Variants in PTPN4 observed in about 807,000 individuals in gnomAD.
The protein encoded by PTPN4 is tyrosine-protein phosphatase non-receptor type 4.
In PTPN4, 49 loss-of-function variants were observed where a neutral mutation model predicts 135.5. The ratio of observed to expected loss-of-function variants is 0.36; its 90% CI spans 0.29 to 0.46. The LOEUF (loss-of-function observed/expected upper bound fraction) is 0.46. Ranked by LOEUF, PTPN4 falls within the 20% of genes least tolerant of loss-of-function variation. The probability of loss-of-function intolerance (pLI) is 1.00; values close to 1 mark genes in which losing one functional copy is unlikely to be tolerated. For missense variants in PTPN4, 860 were observed against 1,101.0 expected (o/e 0.78, Z 3.10); for synonymous variants, 333 against 369.9 (o/e 0.90, Z 1.14).
intron 9 of PTPN4, among the ~76,000 whole-genome samples, chr2:119,889,957 G>A (rs1678217191): frequency 6.6e-6 from 1 of 152,176 alleles, no homozygotes; most frequent in African/African-American, 2.4e-5. Context: ...CTTGGAAGAT[G>A]TTCCATGTGC....
In PTPN4 at chr2:119,980,974, G is replaced by A. The variant is rs1160549699; in HGVS notation, c.*3904G>A. ...AAGATAAGTAAATAAAGCATTACTT[G>A]TTTTATAATATCAGGAAGAGAGAAG... On this transcript the variant is annotated 3_prime_UTR_variant, in exon 27 of 27. Transcript: ENST00000263708. 1 of 152,014 alleles carries A rather than the reference G, an allele frequency of 6.6e-6. No homozygotes were observed. Among genetic ancestry groups the A allele is most frequent in the African/African-American group, 2.4e-5 (1 of 41,436 alleles). 9.4% of individuals were successfully genotyped at this position (152,014 alleles called of 1,614,324 possible). A position where few individuals can be genotyped will look rare whatever the true frequency, so the allele number is the denominator to read the frequency against.
At chr2:119,826,524 T>C (rs993158785) in intron 2 of PTPN4, among the ~76,000 whole-genome samples, 2 of 152,204 alleles carry the variant, frequency 1.3e-5, no homozygotes, top group South Asian at 4.1e-4. Context: ...AGACATTTTT[T>C]GTTGTCACAG....
chr2:119,780,378 A>G (rs915572656), intron 1 of PTPN4, among the ~76,000 whole-genome samples: 1 of 152,190 alleles, frequency 6.6e-6, no homozygotes, highest in African/African-American at 2.4e-5. Flanking sequence ...CTCAGTCTGT[A>G]TTCCAGATTT....
chr2:119,923,859 T>C (rs948299402), intron 12 of PTPN4, among the ~76,000 whole-genome samples: 5 of 151,978 alleles, frequency 3.3e-5, no homozygotes, highest in Non-Finnish European at 5.9e-5. Context: ...AAAATGAGGC[T>C]GGGCACGGTG....
chr2:119,964,018 A>G (rs1679409814), intron 24 of PTPN4, among the ~76,000 whole-genome samples: 1 of 152,198 alleles, frequency 6.6e-6, no homozygotes, highest in Non-Finnish European at 1.5e-5. Context: ...TCGCTCCCAT[A>G]AATACATACA....
In PTPN4 at chr2:119,961,025, A is replaced by C. The variant is rs1679357270; in HGVS notation, c.2280+72A>C. 2.4e-5 allele frequency: 34 copies of C among 1,414,026 alleles called. 2 individuals carry two copies. In the South Asian group the frequency reaches 4.9e-4, roughly 20 times the overall value. 87.6% of individuals were successfully genotyped at this position (1,414,026 alleles called of 1,614,324 possible). A position where few individuals can be genotyped will look rare whatever the true frequency, so the allele number is the denominator to read the frequency against. ...TATACTGCACATATGTAGTCAAAAT[A>C]TTCATATTTATTTAAGCCTTTGTAA... On this transcript the variant is annotated intron_variant, in intron 23 of 26. Coordinates refer to ENST00000263708, the MANE Select transcript of PTPN4 (RefSeq NM_002830.4).
intron 8 of PTPN4, among the ~76,000 whole-genome samples, chr2:119,884,272 G>A (rs1438063693): frequency 6.6e-6 from 1 of 152,210 alleles, no homozygotes; most frequent in East Asian, 1.9e-4. Context: ...AAAATCAAAA[G>A]AAGAATAGCA....
intron 10 of PTPN4, among the ~76,000 whole-genome samples, chr2:119,907,677 G>A (rs1038150595): frequency 6.6e-6 from 1 of 151,996 alleles, no homozygotes; most frequent in Non-Finnish European, 1.5e-5. Context: ...TGAGTCAAGA[G>A]GACAAAGATG....
chr2:119,887,762 C>T (rs1678180866), intron 9 of PTPN4, among the ~76,000 whole-genome samples: 1 of 152,118 alleles, frequency 6.6e-6, no homozygotes, highest in African/African-American at 2.4e-5. Flanking sequence ...CAGTACCATG[C>T]TGTTTTGGTT....
rs757463177 is a variant in PTPN4 at position 119,983,398 on chromosome 2, C to G, written c.*6328C>G. 1.3e-5 allele frequency: 2 copies of G among 152,134 alleles called. No homozygotes were observed. The highest frequency in any genetic ancestry group is 2.9e-5 in the Non-Finnish European group (2 of 68,012). 9.4% of individuals were successfully genotyped at this position (152,134 alleles called of 1,614,324 possible). A position where few individuals can be genotyped will look rare whatever the true frequency, so the allele number is the denominator to read the frequency against. ...TCATTTTAACATATATTCAAAGAAG[C>G]TTTTTAGTTTCTACTCCTGAATTGT... is the stretch of plus-strand genomic sequence containing the variant. On this transcript the variant is annotated 3_prime_UTR_variant, in exon 27 of 27. Coordinates refer to ENST00000263708, the MANE Select transcript of PTPN4 (RefSeq NM_002830.4).
intron 2 of PTPN4, among the ~76,000 whole-genome samples, chr2:119,843,255 A>G (rs1015998167): frequency 5.3e-5 from 6 of 113,360 alleles, no homozygotes; most frequent in African/African-American, 1.4e-4. Flanking sequence ...CCCTTAATCC[A>G]TTTAATCCTG....
Position 119,900,874 on chromosome 2 carries a change from G to T in PTPN4, c.764+68G>T, listed in dbSNP as rs1242772238. 8 of 928,314 alleles carry T rather than the reference G, an allele frequency of 8.6e-6. No homozygotes were observed. The Admixed American group carries it at 1.4e-4, about 16-fold the overall frequency. The allele number at this position is 928,314 out of a possible 1,614,324, so 57.5% of individuals were successfully genotyped here. On this transcript the variant is annotated intron_variant, in intron 10 of 26. Coordinates refer to ENST00000263708, the MANE Select transcript of PTPN4 (RefSeq NM_002830.4). The stretch of plus-strand genomic sequence containing the variant: ...CTAAATATAATAATTTATATTAAAG[G>T]CAGTGGCTGTTGAACTATTTTAATG...
intron 2 of PTPN4, among the ~76,000 whole-genome samples, chr2:119,854,366 C>T (rs1402939705): frequency 1.3e-5 from 2 of 152,264 alleles, no homozygotes; most frequent in East Asian, 3.9e-4. Context: ...TGAGGAGCTA[C>T]CTTTATTAAA....
At chr2:119,827,456 A>C (rs982020715) in intron 2 of PTPN4, among the ~76,000 whole-genome samples, 2 of 152,212 alleles carry the variant, frequency 1.3e-5, no homozygotes, top group Non-Finnish European at 2.9e-5. Context: ...TTCCTTGGTC[A>C]AACAAAAACT....
At chr2:119,844,741 C>T (rs1473822098) in intron 2 of PTPN4, among the ~76,000 whole-genome samples, 4 of 144,528 alleles carry the variant, frequency 2.8e-5, no homozygotes, top group African/African-American at 5.2e-5. Context: ...GGATGGCGGC[C>T]GGGCGGAGAC....
At chr2:119,892,013 T>C (rs1247014025) in intron 9 of PTPN4, among the ~76,000 whole-genome samples, 1 of 152,244 alleles carries the variant, frequency 6.6e-6, no homozygotes, top group Non-Finnish European at 1.5e-5. Flanking sequence ...TGCAGTAATA[T>C]GGTCTCATTT....
chr2:119,964,958 C>G (rs146847516), intron 24 of PTPN4, among the ~76,000 whole-genome samples: 1 of 152,072 alleles, frequency 6.6e-6, no homozygotes, highest in Non-Finnish European at 1.5e-5. Context: ...GTTTAATGAT[C>G]GCAGGGTACC....
intron 1 of PTPN4, among the ~76,000 whole-genome samples, chr2:119,762,198 T>C (rs1386429837): frequency 6.6e-6 from 1 of 152,130 alleles, no homozygotes; most frequent in Non-Finnish European, 1.5e-5. Flanking sequence ...CACTTCATTA[T>C]TGTTGAAGGA....
rs183579048 is a variant in PTPN4, at chr2:119,824,052, C to G, written c.138+14061C>G. ...CAAATTCCCGCTAGACTTCCTGTTT[C>G]CCCCAGGCATTATTTATATGTATGT... On this transcript the variant is annotated intron_variant, in intron 2 of 26. Coordinates refer to ENST00000263708, the MANE Select transcript of PTPN4 (RefSeq NM_002830.4). 1.8e-3 allele frequency among the ~76,000 whole-genome samples: 272 copies of G among 152,258 alleles called. 1 individual carries two copies. Among genetic ancestry groups the G allele is most frequent in the African/African-American group, 6.4e-3 (267 of 41,538 alleles).
Sources: allele counts gnomAD v4.1 joint callset (sites outside exome capture counted in the v4.1 genomes callset), GRCh38; gene constraint gnomAD v4.1.1; transcripts MANE v1.5; gene names NCBI Gene and HGNC (gene_info 2026-07-23, HGNC 2026-07-21).